SLC29A3: variants seen among roughly 807,000 people sequenced by gnomAD.
SLC29A3 encodes solute carrier family 29 member 3, also known as equilibrative nucleoside transporter 3.
SLC29A3 carries 18 observed loss-of-function variants against 25.4 expected under a neutral mutation model. The observed-to-expected ratio is 0.71, with a 90% CI of 0.49 to 1.05. SLC29A3 has a LOEUF of 1.05. Among genes scored for constraint, SLC29A3 ranks in the 50% least tolerant of loss-of-function variants. The pLI, the probability that SLC29A3 is intolerant of heterozygous loss-of-function variation, is 0.00. For missense variants in SLC29A3, 586 were observed against 609.0 expected (o/e 0.96, Z 0.40); for synonymous variants, 258 against 267.1 (o/e 0.97, Z 0.33).
chr10:71,336,291 A>G (rs1469601469), intron 2 of SLC29A3, among the ~76,000 whole-genome samples: 1 of 152,114 alleles, frequency 6.6e-6, no homozygotes, highest in Admixed American at 6.5e-5. Flanking sequence ...CTATGTCCAG[A>G]TAAGTCACAT....
At chr10:71,348,711 A>AACAGCTCCTGTCCAGGCC (rs1846663936) in intron 3 of SLC29A3, among the ~76,000 whole-genome samples, 1 of 152,212 alleles carries the variant, frequency 6.6e-6, no homozygotes, top group East Asian at 1.9e-4. Context: ...CTGGCTGCCC[A>AACAGCTCCTGTCCAGGCC]ACAGCTCCTG....
intron 3 of SLC29A3, among the ~76,000 whole-genome samples, chr10:71,349,247 A>C (rs1193565462): frequency 2.0e-5 from 3 of 152,176 alleles, no homozygotes; most frequent in Admixed American, 2.0e-4. Context: ...TGTCCTCTTT[A>C]AGTGAAAATT....
intron 3 of SLC29A3, 85 bp downstream of exon 3, chr10:71,344,376 C>A: frequency 9.4e-7 from 1 of 1,058,768 alleles, no homozygotes; most frequent in East Asian, 2.4e-5. Flanking sequence ...TGCTTTTTTT[C>A]TGCCTACTTA....
At chr10:71,346,371 T>A (rs1589234174) in intron 3 of SLC29A3, among the ~76,000 whole-genome samples, 1 of 152,000 alleles carries the variant, frequency 6.6e-6, no homozygotes, top group Non-Finnish European at 1.5e-5. Context: ...AACAGGCTCA[T>A]GGAGGTGACT....
chr10:71,370,564 C>T (rs1437518946), intron 3 of SLC29A3, among the ~76,000 whole-genome samples: 1 of 152,134 alleles, frequency 6.6e-6, no homozygotes, highest in Non-Finnish European at 1.5e-5. Context: ...TGCTATGTTG[C>T]TGAGGTTGGA....
rs758130056 is a variant in SLC29A3 at position 71,345,129 on chromosome 10, G to C, written c.383+838G>C. 2.9e-4 allele frequency among the ~76,000 whole-genome samples: 44 copies of C among 152,300 alleles called. 1 individual carries two copies. Among genetic ancestry groups the C allele is most frequent in the Non-Finnish European group, 4.9e-4 (33 of 68,022 alleles). The stretch of plus-strand genomic sequence containing the variant: ...GGTGCAAGAGGAGAGAGGGCACCAC[G>C]AGTGTCTTTTACATGCTGAGCCTGA... On this transcript the variant is annotated intron_variant, in intron 3 of 5. Coordinates refer to ENST00000373189, the MANE Select transcript of SLC29A3 (RefSeq NM_018344.6).
chr10:71,358,794 G>C (rs1846980548), intron 5 of SLC29A3, among the ~76,000 whole-genome samples: 1 of 152,244 alleles, frequency 6.6e-6, no homozygotes, highest in Admixed American at 6.5e-5. Flanking sequence ...AGGCAAACCA[G>C]GATGGTTGGT....
chr10:71,332,861 G>A (rs1011825767), intron 2 of SLC29A3, among the ~76,000 whole-genome samples: 6 of 152,164 alleles, frequency 3.9e-5, no homozygotes, highest in Admixed American at 2.0e-4. Context: ...AGTTTGAAAC[G>A]CTGTCAGTCA....
At chr10:71,348,267 CCTT>C (rs1846649666) in intron 3 of SLC29A3, among the ~76,000 whole-genome samples, 1 of 152,242 alleles carries the variant, frequency 6.6e-6, no homozygotes, top group Admixed American at 6.5e-5. Context: ...GCCTTTGCCT[CCTT>C]CTTGCCCCAA....
intron 1 of SLC29A3, among the ~76,000 whole-genome samples, chr10:71,319,978 G>A (rs536198917): frequency 4.6e-5 from 7 of 152,348 alleles, no homozygotes; most frequent in African/African-American, 1.7e-4. Flanking sequence ...TTTTGGGGAA[G>A]GTTGGGCACT....
Position 71,362,254 on chromosome 10 carries a change from T to C in SLC29A3, c.1074T>C (p.Ala358=). ...PLTTFLLYNF[A]DLCGRQLTAW... is the part of the protein sequence containing the mutation. ...CTACCTTCCTCCTGTACAACTTTGC[T>C]GACCTATGTGGCCGGCAGCTCACCG... Residue 358 remains alanine (A), a synonymous_variant, in exon 6 of 6, where the codon GCT becomes GCC. Coordinates refer to ENST00000373189, the MANE Select transcript of SLC29A3 (RefSeq NM_018344.6). 1 of 1,614,172 alleles carries C rather than the reference T, an allele frequency of 6.2e-7. No individual in the cohort carries two copies. Among genetic ancestry groups the C allele is most frequent in the East Asian group, 2.2e-5 (1 of 44,878 alleles).
In SLC29A3 at chr10:71,355,826, C is replaced by T. The variant is rs148546040; in HGVS notation, c.611-255C>T. ...TGGTGGTCCCCTGAAGGCCATGTGC[C>T]ACCTCAGGCAGCAGCCTCTTACAAG... On this transcript the variant is annotated intron_variant, in intron 4 of 5. Coordinates refer to ENST00000373189, the MANE Select transcript of SLC29A3 (RefSeq NM_018344.6). Among the ~76,000 whole-genome samples, 10 of 152,312 alleles carry T rather than the reference C, an allele frequency of 6.6e-5. No homozygotes were observed. The East Asian group carries it at 1.7e-3, about 26-fold the overall frequency.
chr10:71,371,987 T>A (rs1190985609), intron 3 of SLC29A3, among the ~76,000 whole-genome samples: 1 of 152,222 alleles, frequency 6.6e-6, no homozygotes, highest in African/African-American at 2.4e-5. Flanking sequence ...GTCTGCACAC[T>A]GCTCTCAGAG....
chr10:71,345,301 C>G (rs1178837982), intron 3 of SLC29A3, among the ~76,000 whole-genome samples: 1 of 152,222 alleles, frequency 6.6e-6, no homozygotes, highest in Non-Finnish European at 1.5e-5. Context: ...AGCTGTCATA[C>G]TCTCTCCTGC....
At chr10:71,330,555 C>T (rs1053814888) in intron 2 of SLC29A3, among the ~76,000 whole-genome samples, 2 of 152,268 alleles carry the variant, frequency 1.3e-5, no homozygotes, top group East Asian at 3.8e-4. Context: ...TCTAGCAGTG[C>T]CCTTACCCAC....
chr10:71,322,919 C>T lies in SLC29A3; in HGVS notation c.165C>T (p.Ile55=), dbSNP rs1845884793. ...AGGACCGCTTCTGTGGCACATACAT[C>T]ATCTTCTTCAGCCTGGGCATTGGCA... ...RPEDRFCGTY[I]IFFSLGIGSL... Residue 55 remains isoleucine (I), a synonymous_variant, in exon 2 of 6, where the codon ATC becomes ATT. Transcript: ENST00000373189. The T allele has an allele frequency of 1.2e-6, 2 of 1,614,126 alleles. No individual in the cohort carries two copies. The highest frequency in any genetic ancestry group is 1.7e-5 in the Admixed American group (1 of 60,014).
rs979881042 is a variant in SLC29A3 at position 71,361,950 on chromosome 10, G to T, written c.774-4G>T. ...TTGATGGTGGCCCTGTCTCCTCCCT[G>T]CAGGTACTACATGAGGCCTGTTCTT... On this transcript the variant is annotated splice_polypyrimidine_tract_variant and splice_region_variant and intron_variant, in intron 5 of 5. Coordinates refer to ENST00000373189, the MANE Select transcript of SLC29A3 (RefSeq NM_018344.6). 6.2e-7 allele frequency: 1 copy of T among 1,613,964 alleles called. No individual in the cohort carries two copies. Among genetic ancestry groups the T allele is most frequent in the Non-Finnish European group, 8.5e-7 (1 of 1,180,032 alleles).
At chr10:71,346,102 C>T (rs1846570304) in intron 3 of SLC29A3, among the ~76,000 whole-genome samples, 1 of 152,184 alleles carries the variant, frequency 6.6e-6, no homozygotes, top group African/African-American at 2.4e-5. Flanking sequence ...AGGTGGAAAT[C>T]AGGAGACCAC....
At chr10:71,370,158 C>T (rs1254641676) in intron 3 of SLC29A3, among the ~76,000 whole-genome samples, 3 of 152,216 alleles carry the variant, frequency 2.0e-5, no homozygotes, top group African/African-American at 7.2e-5. Context: ...GCAAGATTTA[C>T]AGAGCATGTG....
Sources: allele counts gnomAD v4.1 joint callset (sites outside exome capture counted in the v4.1 genomes callset), GRCh38; gene constraint gnomAD v4.1.1; transcripts MANE v1.5; gene names NCBI Gene and HGNC (gene_info 2026-07-23, HGNC 2026-07-21).